IQSEC1: variants seen among roughly 807,000 people sequenced by gnomAD.
IQSEC1 encodes IQ motif and SEC7 domain-containing protein 1.
A neutral mutation model predicts 91.0 loss-of-function variants in IQSEC1; 31 were observed. The ratio of observed to expected loss-of-function variants is 0.34; its 90% confidence interval spans 0.26 to 0.46. IQSEC1 has a LOEUF of 0.46. Among genes scored for constraint, IQSEC1 ranks in the 20% least tolerant of loss-of-function variants. IQSEC1 has a pLI of 1.00. For synonymous variants in IQSEC1, 699 were observed against 662.6 expected, an observed-to-expected ratio of 1.05 and a Z score of -0.84; for missense variants, 1,388 against 1,575.6, an observed-to-expected ratio of 0.88 and a Z score of 2.02.
chr3:12,945,347 T>C (rs530476975), intron 1 of IQSEC1, among the ~76,000 whole-genome samples: 36 of 151,968 alleles, frequency 2.4e-4, no homozygotes, highest in Non-Finnish European at 4.7e-4. Flanking sequence ...CGGGCCTCCC[T>C]CTCCAGGAAG....
intron 1 of IQSEC1, among the ~76,000 whole-genome samples, chr3:13,023,369 G>A (rs377448400): frequency 1.4e-3 from 219 of 152,246 alleles, no homozygotes; most frequent in African/African-American, 4.9e-3. Context: ...TTCCCAGGCA[G>A]GGCCCCCAGG....
chr3:12,935,739 C>A lies in IQSEC1; in HGVS notation c.1277G>T (p.Arg426Leu), dbSNP rs756600213. ...LPREEPELRPRPPRPLDSHLA... is the reference protein window; with the variant it reads ...LPREEPELRPLPPRPLDSHLA... ...GTGGCTGTCCAGGGGCCTGGGGGGC[C>A]GGGGCCGCAACTCAGGCTCCTCCCG... The change falls in exon 3 of 14, where the codon CGG (arginine) becomes CTG (leucine). Residue 426 changes from arginine (R) to leucine (L), a missense_variant. Around this residue, in one of 2 missense-constraint regions of IQSEC1, gnomAD observed 1,059 missense variants for 1,317.8 expected, o/e 0.80. Transcript: ENST00000613206. The surrounding 1 kb of genome is among the most constrained non-coding windows in gnomAD (Gnocchi z 8.0). 1.1e-5 allele frequency: 17 copies of A among 1,610,634 alleles called. No individual in the cohort carries two copies. Among genetic ancestry groups the A allele is most frequent in the Non-Finnish European group, 1.4e-5 (16 of 1,179,756 alleles).
rs1443433494 is a variant in IQSEC1, at chr3:12,922,293, C to CGCCCA, written c.1731-56_1731-52dup. On this transcript the variant is annotated intron_variant, in intron 4 of 13. Coordinates refer to ENST00000613206, the MANE Select transcript of IQSEC1 (RefSeq NM_001134382.3). The surrounding 1 kb of genome is among the most constrained non-coding windows in gnomAD (Gnocchi z 5.1). ...ATAAGCACCCCTTGCAGGTGCGACA[C>CGCCCA]GCCCAGCCCACCCCCAGGTGGTGGT... 1.0e-5 allele frequency: 15 copies of CGCCCA among 1,475,612 alleles called. No homozygotes were observed. The highest frequency in any genetic ancestry group is 1.4e-5 in the Non-Finnish European group (15 of 1,099,790). 91.4% of individuals were successfully genotyped at this position (1,475,612 alleles called of 1,614,324 possible). A position where few individuals can be genotyped will look rare whatever the true frequency, so the allele number is the denominator to read the frequency against.
At position 13,193,747 on chromosome 3, in the gene IQSEC1, G is replaced by A. The variant is rs554388316; in HGVS notation, c.273-29614C>T. Among the ~76,000 whole-genome samples, 8 of 152,262 alleles carry A rather than the reference G, an allele frequency of 5.3e-5. No homozygotes were observed. The South Asian group carries it at 1.7e-3, about 32-fold the overall frequency. ...AACGGGCTCTCCCTGGACACATGCT[G>A]TGCTGGACGCTGTCCCACTTCCCCC... On this transcript the variant is annotated intron_variant, in intron 1 of 15. Coordinates refer to the IQSEC1 transcript ENST00000648114. The surrounding 1 kb of genome is among the most constrained non-coding windows in gnomAD (Gnocchi z 4.2).
intron 1 of IQSEC1, among the ~76,000 whole-genome samples, chr3:13,216,995 T>C (rs1694562796): frequency 6.6e-6 from 1 of 152,122 alleles, no homozygotes; most frequent in Non-Finnish European, 1.5e-5. Context: ...AGGAGCCCAA[T>C]GGTGGTGACA....
At chr3:12,915,823 C>A in intron 6 of IQSEC1, 90 bp from the exon 7 acceptor site, 1 of 1,473,630 alleles carries the variant, frequency 6.8e-7, no homozygotes, top group South Asian at 1.2e-5. Flanking sequence ...GCGAACCTTC[C>A]ACTAGACCCA....
intron 1 of IQSEC1, among the ~76,000 whole-genome samples, chr3:13,262,193 C>T (rs528757678): frequency 3.3e-5 from 5 of 152,330 alleles, no homozygotes; most frequent in African/African-American, 1.2e-4. Flanking sequence ...ATATGAGCCA[C>T]GATAACAACT....
At chr3:12,911,534 C>T (rs1695555979) in intron 10 of IQSEC1, 95 bp downstream of exon 10, 4 of 906,918 alleles carry the variant, frequency 4.4e-6, no homozygotes, top group East Asian at 4.8e-5. Flanking sequence ...GGGTGAGCGT[C>T]GAAGCCCCCC....
Position 12,899,521 on chromosome 3 carries a change from C to G in IQSEC1, c.*1462G>C. The G allele has an allele frequency of 6.5e-7, 1 of 1,541,110 alleles. No homozygotes were observed. The highest frequency in any genetic ancestry group is 1.2e-5 in the South Asian group (1 of 84,582). ...GGGAGCGCATGGTGTCACCACAACA[C>G]AGAAGCGACAAGAGCACAGCTGAGA... On this transcript the variant is annotated 3_prime_UTR_variant, in exon 14 of 14. Coordinates refer to ENST00000613206, the MANE Select transcript of IQSEC1 (RefSeq NM_001134382.3).
At chr3:13,039,279 C>T (rs1043257435) in intron 1 of IQSEC1, among the ~76,000 whole-genome samples, 3 of 152,236 alleles carry the variant, frequency 2.0e-5, no homozygotes, top group African/African-American at 4.8e-5. Context: ...TTGAAATAAG[C>T]GGCTCTGCTC....
intron 2 of IQSEC1, among the ~76,000 whole-genome samples, chr3:13,110,732 G>A (rs1706229561): frequency 6.6e-6 from 1 of 152,156 alleles, no homozygotes. Flanking sequence ...GGCTTTCCAG[G>A]CTGCTGAGCA....
chr3:13,212,374 C>T, intron 1 of IQSEC1, among the ~76,000 whole-genome samples: 1 of 152,234 alleles, frequency 6.6e-6, no homozygotes, highest in Non-Finnish European at 1.5e-5. Flanking sequence ...CTTTACACAG[C>T]TGAATAATAT....
chr3:12,972,311 CA>C (rs74793787), intron 1 of IQSEC1, among the ~76,000 whole-genome samples: 36 of 140,806 alleles, frequency 2.6e-4, no homozygotes, highest in African/African-American at 3.4e-4. Context: ...GATCCTGTCA[CA>C]AAAAAAAAAG....
At chr3:13,041,961 G>A (rs360734) in intron 1 of IQSEC1, among the ~76,000 whole-genome samples, 55,035 of 152,014 alleles carry the variant, frequency 0.36, 10,944 homozygotes, top group East Asian at 0.6. Flanking sequence ...GAAAGAGCAG[G>A]CCGGGGACCC....
intron 1 of IQSEC1, among the ~76,000 whole-genome samples, chr3:13,058,703 C>T (rs1287392629): frequency 6.6e-6 from 1 of 152,206 alleles, no homozygotes; most frequent in African/African-American, 2.4e-5. Context: ...CCCAACCTGC[C>T]TCCCATCCCT....
intron 1 of IQSEC1, among the ~76,000 whole-genome samples, chr3:13,032,893 T>C (rs550078040): frequency 4.6e-5 from 7 of 152,312 alleles, no homozygotes; most frequent in African/African-American, 1.4e-4. Flanking sequence ...ACATTATATA[T>C]AAAGCCCCAC....
At chr3:13,241,440 C>G (rs1385576958) in intron 1 of IQSEC1, among the ~76,000 whole-genome samples, 1 of 152,150 alleles carries the variant, frequency 6.6e-6, no homozygotes, top group Non-Finnish European at 1.5e-5. Flanking sequence ...CAGGTGTGTC[C>G]GCTGTGACGT....
At chr3:13,012,897 G>A (rs948594602) in intron 1 of IQSEC1, among the ~76,000 whole-genome samples, 2 of 150,362 alleles carry the variant, frequency 1.3e-5, no homozygotes, top group African/African-American at 4.9e-5. Flanking sequence ...TCAGAGATGG[G>A]ACCCAACACA....
At chr3:12,932,187 C>A (rs146890947) in intron 3 of IQSEC1, among the ~76,000 whole-genome samples, 2 of 152,168 alleles carry the variant, frequency 1.3e-5, no homozygotes, top group East Asian at 1.9e-4. Flanking sequence ...GGTTCCAATG[C>A]GGAGGTGACA....
Sources: gnomAD v4.1 joint callset for allele counts (sites outside exome capture counted in the v4.1 genomes callset) on GRCh38, gnomAD v4.1.1 for gene constraint, gnomAD v4.1.1 regional missense constraint, Gnocchi (gnomAD v3.1) non-coding constraint, MANE v1.5 for transcripts, NCBI Gene and HGNC (gene_info 2026-07-23, HGNC 2026-07-21) for gene names.